RIT2: variants seen among roughly 807,000 people sequenced by gnomAD.
The protein encoded by RIT2 is GTP-binding protein Rit2.
RIT2 carries 24 observed loss-of-function variants against 23.7 expected under a neutral mutation model. The observed-to-expected ratio is 1.01, with a 90% CI of 0.73 to 1.43. RIT2 has a LOEUF of 1.43. RIT2 is among the 40% of genes most tolerant of loss of function. The probability of loss-of-function intolerance (pLI) is 0.00; values close to 1 mark genes in which losing one functional copy is unlikely to be tolerated. For missense variants in RIT2, 236 were observed against 266.9 expected (o/e 0.88, Z 0.81); for synonymous variants, 107 against 91.1 (o/e 1.17, Z -0.99).
intron 4 of RIT2, among the ~76,000 whole-genome samples, chr18:42,744,085 C>G (rs1449925819): frequency 1.3e-5 from 2 of 152,118 alleles, no homozygotes; most frequent in Admixed American, 1.3e-4. Flanking sequence ...AAAGCTCCCC[C>G]ACTGAGCACC....
At chr18:43,076,274 C>T (rs1198394469) in intron 1 of RIT2, among the ~76,000 whole-genome samples, 1 of 152,196 alleles carries the variant, frequency 6.6e-6, no homozygotes, top group African/African-American at 2.4e-5. Context: ...CCGATTTCTG[C>T]AGTTCATTGA....
intron 4 of RIT2, among the ~76,000 whole-genome samples, chr18:42,775,665 C>G (rs1183426867): frequency 6.6e-6 from 1 of 150,994 alleles, no homozygotes; most frequent in Non-Finnish European, 1.5e-5. Context: ...CCACTGCACT[C>G]CAGCCTGGGC....
At chr18:42,758,976 T>C (rs1309561414) in intron 4 of RIT2, among the ~76,000 whole-genome samples, 1 of 152,100 alleles carries the variant, frequency 6.6e-6, no homozygotes, top group Non-Finnish European at 1.5e-5. Flanking sequence ...ACTGGAGCTA[T>C]ACAAATGGCT....
chr18:42,939,127 G>A (rs1329135641), intron 3 of RIT2, among the ~76,000 whole-genome samples: 1 of 152,090 alleles, frequency 6.6e-6, no homozygotes, highest in South Asian at 2.1e-4. Context: ...CATTTATTGA[G>A]AACGTAAGAA....
intron 4 of RIT2, among the ~76,000 whole-genome samples, chr18:42,882,317 T>C (rs1907915991): frequency 6.6e-6 from 1 of 152,192 alleles, no homozygotes; most frequent in Non-Finnish European, 1.5e-5. Context: ...TTAGACTGCG[T>C]CATGCTACTA....
At chr18:42,858,684 G>A (rs1319440229) in intron 4 of RIT2, among the ~76,000 whole-genome samples, 1 of 152,136 alleles carries the variant, frequency 6.6e-6, no homozygotes, top group Non-Finnish European at 1.5e-5. Context: ...AAACTTCATA[G>A]ACATTTGAAG....
At chr18:43,105,679 C>T (rs1006265161) in intron 1 of RIT2, among the ~76,000 whole-genome samples, 11 of 152,122 alleles carry the variant, frequency 7.2e-5, no homozygotes, top group South Asian at 4.1e-4. Context: ...ACCTGTGCAA[C>T]GTCAAGTGTT....
At chr18:43,090,061 C>T (rs1913384704) in intron 1 of RIT2, among the ~76,000 whole-genome samples, 1 of 152,128 alleles carries the variant, frequency 6.6e-6, no homozygotes, top group Non-Finnish European at 1.5e-5. Context: ...AACTAAACAG[C>T]TTCTGCACAG....
At chr18:42,951,686 T>A (rs1394411518) in intron 3 of RIT2, among the ~76,000 whole-genome samples, 2 of 152,148 alleles carry the variant, frequency 1.3e-5, no homozygotes, top group Non-Finnish European at 2.9e-5. Context: ...CTCAAAGAGA[T>A]ATTTGCACTC....
chr18:42,907,582 C>T (rs965709454), intron 4 of RIT2, among the ~76,000 whole-genome samples: 10 of 152,020 alleles, frequency 6.6e-5, no homozygotes, highest in Non-Finnish European at 1.0e-4. Context: ...GTCTGGGATG[C>T]AATAAAATTC....
At chr18:42,904,014 G>C (rs554218850) in intron 4 of RIT2, among the ~76,000 whole-genome samples, 5 of 151,782 alleles carry the variant, frequency 3.3e-5, no homozygotes, top group Admixed American at 6.6e-5. Flanking sequence ...ACAAAATAGC[G>C]GTATAAATTG....
At chr18:43,113,140 A>G (rs1001440150) in intron 1 of RIT2, among the ~76,000 whole-genome samples, 6 of 152,168 alleles carry the variant, frequency 3.9e-5, no homozygotes, top group Non-Finnish European at 5.9e-5. Flanking sequence ...AACCTTCAAT[A>G]GAAGGTTAAT....
chr18:42,758,495 T>TTA lies in RIT2; in HGVS notation c.427-14776_427-14775insTA, dbSNP rs539318785. 2.6e-4 allele frequency among the ~76,000 whole-genome samples: 40 copies of TTA among 151,516 alleles called. 1 individual carries two copies. The South Asian group carries it at 8.2e-3, about 31-fold the overall frequency. On this transcript the variant is annotated intron_variant, in intron 4 of 4. Coordinates refer to ENST00000326695, the MANE Select transcript of RIT2 (RefSeq NM_002930.4). Reference sequence around the variant, plus strand: ...TTCTTGACATTCTAATCCTTTTTTTTTTTGATAACCCTTGTTTTATTTTTA... The same window carrying TTA: ...TTCTTGACATTCTAATCCTTTTTTTTTATTTGATAACCCTTGTTTTATTTTTA...
At chr18:42,946,676 G>A (rs1404354120) in intron 3 of RIT2, among the ~76,000 whole-genome samples, 1 of 151,900 alleles carries the variant, frequency 6.6e-6, no homozygotes, top group Non-Finnish European at 1.5e-5. Flanking sequence ...GAAAGACCTA[G>A]AAACTAGGAA....
chr18:43,076,788 G>T (rs1482404933), intron 1 of RIT2, among the ~76,000 whole-genome samples: 1 of 152,182 alleles, frequency 6.6e-6, no homozygotes, highest in Non-Finnish European at 1.5e-5. Flanking sequence ...CAATGGCAAA[G>T]AGTGTGTTGT....
chr18:43,077,866 A>C (rs1164129799), intron 1 of RIT2, among the ~76,000 whole-genome samples: 1 of 152,174 alleles, frequency 6.6e-6, no homozygotes, highest in Non-Finnish European at 1.5e-5. Flanking sequence ...AGGACATTGA[A>C]TTTTTAAATG....
At chr18:43,039,751 A>G (rs1373295756) in intron 1 of RIT2, among the ~76,000 whole-genome samples, 1 of 152,184 alleles carries the variant, frequency 6.6e-6, no homozygotes, top group Non-Finnish European at 1.5e-5. Context: ...GGAAGGATGT[A>G]TGGAGAAATT....
At chr18:43,056,876 G>A (rs1404933167) in intron 1 of RIT2, among the ~76,000 whole-genome samples, 2 of 152,062 alleles carry the variant, frequency 1.3e-5, no homozygotes, top group Admixed American at 6.6e-5. Flanking sequence ...AGCAAACAAA[G>A]CAAACTGCCT....
chr18:43,020,442 T>C (rs540231204), intron 2 of RIT2, among the ~76,000 whole-genome samples: 6 of 152,064 alleles, frequency 3.9e-5, no homozygotes, highest in African/African-American at 1.4e-4. Flanking sequence ...GCCGAGATCA[T>C]GTCACTGCAC....
Sources: gnomAD v4.1 joint callset for allele counts (sites outside exome capture counted in the v4.1 genomes callset) on GRCh38, gnomAD v4.1.1 for gene constraint, MANE v1.5 for transcripts, NCBI Gene and HGNC (gene_info 2026-07-23, HGNC 2026-07-21) for gene names.